The following FAAH2 variants were observed in gnomAD, a reference collection of about 807,000 sequenced individuals.
FAAH2 encodes the protein fatty acid amide hydrolase 2.
A neutral mutation model predicts 36.9 loss-of-function variants in FAAH2; 60 were observed. The observed-to-expected ratio is 1.63, with a 90% CI of 1.32 to 2.02. The LOEUF (loss-of-function observed/expected upper bound fraction) is 2.02, where lower values mean the gene tolerates loss of function less well. Ranked by LOEUF, FAAH2 falls within the 30% of genes most tolerant of loss-of-function variation. The probability of loss-of-function intolerance (pLI) is 0.00; values close to 1 mark genes in which losing one functional copy is unlikely to be tolerated. For missense variants in FAAH2, 689 were observed against 397.5 expected, an observed-to-expected ratio of 1.73 and a Z score of -6.23; for synonymous variants, 214 against 143.8, an observed-to-expected ratio of 1.49 and a Z score of -3.49.
intron 5 of FAAH2, among the ~76,000 whole-genome samples, chrX:57,350,464 A>G (rs2053970154): frequency 9.0e-6 from 1 of 110,700 alleles, no homozygotes; most frequent in African/African-American, 3.3e-5. Context: ...AACTTATGAA[A>G]CAAGCAGAAA....
At chrX:57,463,259 A>G (rs1228954324) in intron 10 of FAAH2, among the ~76,000 whole-genome samples, 1 of 111,565 alleles carries the variant, frequency 9.0e-6, no homozygotes, top group East Asian at 2.8e-4. Context: ...ATTCAATTCT[A>G]TTCCCATCAA....
At chrX:57,393,410 T>A (rs1364860263) in intron 7 of FAAH2, 2 of 775,112 alleles carry the variant, frequency 2.6e-6, no homozygotes, top group Non-Finnish European at 4.0e-6. Flanking sequence ...GTTAAGAAAC[T>A]TTTCTATTCC....
chrX:57,223,603 C>G, the FAAH2 span, among the ~76,000 whole-genome samples: 22 of 111,381 alleles, frequency 2.0e-4, no homozygotes, highest in African/African-American at 7.2e-4. Context: ...CCACCTTTTC[C>G]TACCCACCAA....
intron 10 of FAAH2, among the ~76,000 whole-genome samples, chrX:57,449,711 G>T (rs1272325908): frequency 1.8e-5 from 2 of 110,165 alleles, no homozygotes; most frequent in Non-Finnish European, 3.8e-5. Flanking sequence ...TTGTTGCCCA[G>T]GCTGGAATGC....
intron 10 of FAAH2, among the ~76,000 whole-genome samples, chrX:57,466,156 C>CTCTCTCTATATATATA (rs1287266105): frequency 2.6e-3 from 172 of 66,374 alleles, no homozygotes; most frequent in African/African-American, 5.7e-3. Flanking sequence ...CTCTCTCTCT[C>CTCTCTCTATATATATA]TATATATATA....
intron 2 of FAAH2, among the ~76,000 whole-genome samples, chrX:57,307,716 G>A (rs2052580925): frequency 1.8e-5 from 2 of 110,693 alleles, no homozygotes; most frequent in Admixed American, 1.9e-4. Flanking sequence ...CTGAGGTTTG[G>A]GATGCAAATG....
intron 7 of FAAH2, chrX:57,393,602 A>G (rs1212309976): frequency 3.4e-6 from 3 of 893,449 alleles, no homozygotes; most frequent in Non-Finnish European, 3.3e-6. Flanking sequence ...TGTGTCCTTC[A>G]TAAGCACTAT....
intron 5 of FAAH2, among the ~76,000 whole-genome samples, chrX:57,350,350 C>T (rs2053967292): frequency 9.1e-6 from 1 of 109,889 alleles, no homozygotes; most frequent in Admixed American, 9.8e-5. Flanking sequence ...AAAAATAGAA[C>T]TCACTAGAAA....
rs532118176 is a variant in FAAH2, at chrX:57,349,962, A to G, written c.742+8572A>G. On this transcript the variant is annotated intron_variant, in intron 5 of 10. Coordinates refer to ENST00000374900, the MANE Select transcript of FAAH2 (RefSeq NM_174912.4). ...CTTCGTCACAGCACATTATAATATA[A>G]CTGTCTAAAGTCAGTGTGAACAATG... 1.8e-4 allele frequency among the ~76,000 whole-genome samples: 20 copies of G among 110,783 alleles called. No homozygotes were observed. In the South Asian group the frequency reaches 7.2e-3, roughly 40 times the overall value.
the FAAH2 span, among the ~76,000 whole-genome samples, chrX:57,239,071 C>G: frequency 2.1e-4 from 23 of 111,843 alleles, no homozygotes; most frequent in Non-Finnish European, 4.1e-4. Context: ...TTTTCTTTAT[C>G]TAGTACACCA....
chrX:57,249,429 T>G, the FAAH2 span, among the ~76,000 whole-genome samples: 1 of 112,180 alleles, frequency 8.9e-6, no homozygotes, highest in Non-Finnish European at 1.9e-5. Flanking sequence ...CCATTAAGAT[T>G]AACAAATTTT....
intron 5 of FAAH2, among the ~76,000 whole-genome samples, chrX:57,372,558 C>A (rs2054578017): frequency 9.1e-6 from 1 of 109,568 alleles, no homozygotes; most frequent in Non-Finnish European, 1.9e-5. Context: ...TTTTATATTC[C>A]AGGTCATTTG....
At chrX:57,432,951 A>G (rs1014791911) in intron 8 of FAAH2, among the ~76,000 whole-genome samples, 2 of 107,770 alleles carry the variant, frequency 1.9e-5, no homozygotes, top group Non-Finnish European at 3.9e-5. Context: ...GGCAGAACTC[A>G]CACGACCCTC....
At chrX:57,309,120 G>A (rs1346400360) in intron 2 of FAAH2, among the ~76,000 whole-genome samples, 1 of 111,808 alleles carries the variant, frequency 8.9e-6, no homozygotes. Context: ...ATTAATATTT[G>A]TGATACTGAG....
the FAAH2 span, among the ~76,000 whole-genome samples, chrX:57,207,030 A>T: frequency 9.0e-6 from 1 of 111,283 alleles, no homozygotes; most frequent in East Asian, 2.8e-4. Flanking sequence ...GAGGCTTAAC[A>T]ATGGCTGCCA....
chrX:57,450,035 C>T (rs767888703), intron 10 of FAAH2, among the ~76,000 whole-genome samples: 3 of 111,556 alleles, frequency 2.7e-5, no homozygotes, highest in African/African-American at 9.7e-5. Context: ...CACCTAGTTA[C>T]TCAGTTTCTG....
At chrX:57,215,781 CAG>C in the FAAH2 span, among the ~76,000 whole-genome samples, 12 of 108,645 alleles carry the variant, frequency 1.1e-4, no homozygotes, top group East Asian at 3.5e-3. Flanking sequence ...CACATGGACA[CAG>C]AGAGGGGCAC....
the FAAH2 span, among the ~76,000 whole-genome samples, chrX:57,160,246 T>A: frequency 8.9e-6 from 1 of 111,859 alleles, no homozygotes. Context: ...TTGCCAGTAT[T>A]TTATTGAGGA....
chrX:57,424,908 G>A (rs1032859987), intron 7 of FAAH2, among the ~76,000 whole-genome samples: 4 of 111,039 alleles, frequency 3.6e-5, no homozygotes, highest in Non-Finnish European at 7.6e-5. Context: ...GAAATACCAC[G>A]TAAAGAATTC....
Sources: allele counts gnomAD v4.1 joint callset (sites outside exome capture counted in the v4.1 genomes callset), GRCh38; gene constraint gnomAD v4.1.1; transcripts MANE v1.5; gene names NCBI Gene and HGNC (gene_info 2026-07-23, HGNC 2026-07-21).